HOXB3: variants seen among roughly 807,000 people sequenced by gnomAD.
HOXB3 encodes the protein homeobox B3.
A neutral mutation model predicts 29.2 loss-of-function variants in HOXB3; 17 were observed. The observed-to-expected ratio is 0.58, with a 90% CI of 0.40 to 0.87. HOXB3 has a LOEUF of 0.87. HOXB3 is among the 40% of genes least tolerant of loss of function. HOXB3 has a pLI of 0.00. For synonymous variants in HOXB3, 317 were observed against 285.9 expected, an observed-to-expected ratio of 1.11 and a Z score of -1.10; for missense variants, 637 against 616.3, an observed-to-expected ratio of 1.03 and a Z score of -0.35.
Position 48,551,084 on chromosome 17 carries a change from G to A in HOXB3, c.546C>T (p.Pro182=). 1 of 1,510,102 alleles carries A rather than the reference G, an allele frequency of 6.6e-7. No individual in the cohort carries two copies. The highest frequency in any genetic ancestry group is 8.9e-7 in the Non-Finnish European group (1 of 1,124,982). 93.5% of individuals were successfully genotyped at this position (1,510,102 alleles called of 1,614,324 possible). The change falls in exon 5 of 5, where the codon CCC becomes CCT. Residue 182 remains proline (P), a synonymous_variant. Coordinates refer to ENST00000498678, the MANE Select transcript of HOXB3 (RefSeq NM_001384749.1). ...GGGGGGGDKS[P]PGSAASKRAR... ...CCCGCTTGGACGCCGCCGACCCCGG[G>A]GGGCTCTTGTCCCCTCCCCCGCCGC...
In HOXB3 at chr17:48,554,479, C is replaced by T. The variant is rs571639375; in HGVS notation, c.-159+1052G>A. On this transcript the variant is annotated intron_variant, in intron 3 of 4. Transcript: ENST00000498678. The surrounding 1 kb of genome is among the most constrained non-coding windows in gnomAD (Gnocchi z 4.1). ...AGGCGAGTGTGGAAAGCGAAGGAGC[C>T]AGAGACGCGATAGGAAAGAATGGAG... The T allele has an allele frequency of 4.9e-6, 3 of 607,346 alleles. No homozygotes were observed. The Admixed American group carries it at 8.6e-5, about 17-fold the overall frequency. The allele number at this position is 607,346 out of a possible 1,614,324, so 37.6% of individuals were successfully genotyped here.
chr17:48,569,852 C>T (rs756313745), intron 2 of HOXB3, among the ~76,000 whole-genome samples: 20 of 152,128 alleles, frequency 1.3e-4, no homozygotes, highest in Non-Finnish European at 1.0e-4. Flanking sequence ...TGAGAATAAC[C>T]GCAAGGGGGA....
In HOXB3 at chr17:48,573,970, A is replaced by G. The variant is rs1298875785; in HGVS notation, c.-380T>C. ...TTTCCCCCTTGCAGATCCGGGAGAGACGGCTAACACTTTTTTCCCCCAACA... is the reference window on the plus strand; with the variant it reads ...TTTCCCCCTTGCAGATCCGGGAGAGGCGGCTAACACTTTTTTCCCCCAACA... On this transcript the variant is annotated 5_prime_UTR_variant, in exon 2 of 5. Coordinates refer to ENST00000498678, the MANE Select transcript of HOXB3 (RefSeq NM_001384749.1). 1.0e-5 allele frequency: 7 copies of G among 680,480 alleles called. No individual in the cohort carries two copies. Among genetic ancestry groups the G allele is most frequent in the Non-Finnish European group, 1.6e-5 (6 of 375,140 alleles). The allele number at this position is 680,480 out of a possible 1,614,324, so 42.2% of individuals were successfully genotyped here.
At chr17:48,561,228 T>A (rs929136052) in intron 2 of HOXB3, among the ~76,000 whole-genome samples, 41 of 42,766 alleles carry the variant, frequency 9.6e-4, no homozygotes, top group East Asian at 2.8e-3. Flanking sequence ...ACACACACAC[T>A]GAACAATGAC....
intron 1 of HOXB3, chr17:48,576,656 C>CCCCCCCA: frequency 2.4e-5 from 16 of 674,154 alleles, no homozygotes; most frequent in East Asian, 2.2e-4. Context: ...CCTGTCCCCC[C>CCCCCCCA]ACCCCATCCC....
In HOXB3 at chr17:48,550,154, G is replaced by A. The variant is rs1164852905; in HGVS notation, c.*180C>T. ...TTGGCAGGCAGATGGAACAAGGGGT[G>A]GAAGACTTAAAAGCAACCTCTCAGG... On this transcript the variant is annotated 3_prime_UTR_variant, in exon 5 of 5. Coordinates refer to ENST00000498678, the MANE Select transcript of HOXB3 (RefSeq NM_001384749.1). 4 of 715,974 alleles carry A rather than the reference G, an allele frequency of 5.6e-6. No individual in the cohort carries two copies. The Admixed American group carries it at 1.2e-4, about 21-fold the overall frequency. 44.4% of individuals were successfully genotyped at this position (715,974 alleles called of 1,614,324 possible). A position where few individuals can be genotyped will look rare whatever the true frequency, so the allele number is the denominator to read the frequency against.
chr17:48,565,973 C>A lies in HOXB3; in HGVS notation c.-247+7864G>T, dbSNP rs529973987. Among the ~76,000 whole-genome samples the A allele has an allele frequency of 3.9e-5, 6 of 152,306 alleles. No homozygotes were observed. In the East Asian group the frequency reaches 9.7e-4, roughly 25 times the overall value. ...TCACTCTTCATCTTTCTATCCAATT[C>A]CTCTGGTCACTAAAGCGTTAGCAGC... On this transcript the variant is annotated intron_variant, in intron 2 of 4. Transcript: ENST00000498678.
At position 48,570,402 on chromosome 17, in the gene HOXB3, A is replaced by G. The variant is rs2069549561; in HGVS notation, c.-247+3435T>C. On this transcript the variant is annotated intron_variant, in intron 2 of 4. Coordinates refer to ENST00000498678, the MANE Select transcript of HOXB3 (RefSeq NM_001384749.1). ...GGGGGGTGGGGATGCAAAGGGAAGC[A>G]GAAAAGACATTCCTGAAGAAGTCGC... Among the ~76,000 whole-genome samples, 6 of 152,338 alleles carry G rather than the reference A, an allele frequency of 3.9e-5. No homozygotes were observed. In the South Asian group the frequency reaches 1.2e-3, roughly 32 times the overall value.
At chr17:48,564,878 A>ATC (rs779930296) in intron 2 of HOXB3, among the ~76,000 whole-genome samples, 11 of 152,144 alleles carry the variant, frequency 7.2e-5, no homozygotes, top group Non-Finnish European at 1.5e-4. Context: ...AAAGATTTGC[A>ATC]TCTCCCCTTT....
At chr17:48,569,332 A>C (rs925566263) in intron 2 of HOXB3, among the ~76,000 whole-genome samples, 1 of 152,098 alleles carries the variant, frequency 6.6e-6, no homozygotes, top group Non-Finnish European at 1.5e-5. Context: ...ATGGAACAGT[A>C]GTGAGGTCTC....
intron 1 of HOXB3, chr17:48,577,783 C>G (rs180762674): frequency 2.4e-6 from 3 of 1,238,698 alleles, no homozygotes; most frequent in African/African-American, 1.5e-5. Flanking sequence ...CAGCTCAACC[C>G]CCCCCCAACC....
intron 2 of HOXB3, among the ~76,000 whole-genome samples, chr17:48,557,648 C>T (rs1401122848): frequency 1.3e-5 from 2 of 152,134 alleles, no homozygotes; most frequent in African/African-American, 2.4e-5. Flanking sequence ...TCCTGAGGAC[C>T]CCACCTCCCA....
intron 2 of HOXB3, among the ~76,000 whole-genome samples, chr17:48,557,964 G>C (rs1232772217): frequency 6.6e-6 from 1 of 151,926 alleles, no homozygotes; most frequent in East Asian, 1.9e-4. Context: ...AGCTTGGTGG[G>C]TCAGGGACTC....
intron 1 of HOXB3, chr17:48,576,615 T>G: frequency 2.9e-6 from 3 of 1,035,618 alleles, no homozygotes; most frequent in African/African-American, 1.6e-5. Flanking sequence ...GGCAGATAGA[T>G]TTTTCCGGGG....
At position 48,564,545 on chromosome 17, in the gene HOXB3, G is replaced by T. The variant is rs372778771; in HGVS notation, c.-246-8927C>A. Among the ~76,000 whole-genome samples, 10 of 152,350 alleles carry T rather than the reference G, an allele frequency of 6.6e-5. No homozygotes were observed. The East Asian group carries it at 1.4e-3, about 21-fold the overall frequency. On this transcript the variant is annotated intron_variant, in intron 2 of 4. Transcript: ENST00000498678. ...GAGAAGCTCCCACTCCGTCCGGGCCGCGCAGGGCTGCGGGAACCCCGGGCT... is the reference window on the plus strand; with the variant it reads ...GAGAAGCTCCCACTCCGTCCGGGCCTCGCAGGGCTGCGGGAACCCCGGGCT...
At chr17:48,587,198 T>C (rs1252378881) in intron 1 of HOXB3, among the ~76,000 whole-genome samples, 3 of 152,160 alleles carry the variant, frequency 2.0e-5, no homozygotes, top group Non-Finnish European at 4.4e-5. Flanking sequence ...GAAATATCCA[T>C]TCTGCTTAAG....
chr17:48,564,265 G>A (rs1184870098), intron 2 of HOXB3, among the ~76,000 whole-genome samples: 1 of 151,650 alleles, frequency 6.6e-6, no homozygotes, highest in Admixed American at 6.6e-5. Context: ...CGGGCGCTGG[G>A]TGCGCGCGGG....
Position 48,550,599 on chromosome 17 carries a change from G to C in HOXB3, c.1031C>G (p.Pro344Arg), listed in dbSNP as rs774538027. The C allele has an allele frequency of 3.3e-6, 5 of 1,522,076 alleles. No homozygotes were observed. In the African/African-American group the frequency reaches 5.6e-5, roughly 17 times the overall value. The allele number at this position is 1,522,076 out of a possible 1,614,324, so 94.3% of individuals were successfully genotyped here. A position where few individuals can be genotyped will look rare whatever the true frequency, so the allele number is the denominator to read the frequency against. The change falls in exon 5 of 5, where the codon CCC becomes CGC. Residue 344 changes from proline to arginine, a missense_variant. Pro to Arg is a moderately radical substitution (Grantham distance 103). Coordinates refer to ENST00000498678, the MANE Select transcript of HOXB3 (RefSeq NM_001384749.1). ...LQANGGAYGTPTMQGSPVYVG... is the reference protein window; with the variant it reads ...LQANGGAYGTRTMQGSPVYVG... ...GTACACCGGACTGCCCTGCATGGTG[G>C]GCGTCCCGTAGGCGCCCCCGTTGGC...
chr17:48,569,389 C>T (rs1483864734), intron 2 of HOXB3, among the ~76,000 whole-genome samples: 2 of 152,042 alleles, frequency 1.3e-5, no homozygotes, highest in African/African-American at 4.8e-5. Flanking sequence ...TCTGCAGCTC[C>T]CTAACCCCCA....
Sources: gnomAD v4.1 joint callset for allele counts (sites outside exome capture counted in the v4.1 genomes callset) on GRCh38, gnomAD v4.1.1 for gene constraint, Gnocchi (gnomAD v3.1) non-coding constraint, MANE v1.5 for transcripts, NCBI Gene and HGNC (gene_info 2026-07-23, HGNC 2026-07-21) for gene names.